FSTL5: variants seen among roughly 807,000 people sequenced by gnomAD.
FSTL5 encodes the protein follistatin like 5, also known as follistatin-related protein 5.
A neutral mutation model predicts 89.1 loss-of-function variants in FSTL5; 62 were observed. That is an observed-to-expected ratio of 0.70 (90% confidence interval 0.57 to 0.86). FSTL5 has a LOEUF of 0.86. FSTL5 is among the 40% of genes least tolerant of loss of function. The pLI is 0.00. For missense variants in FSTL5, 1,057 were observed against 1,001.6 expected (o/e 1.06, Z -0.75); for synonymous variants, 383 against 346.2 (o/e 1.11, Z -1.18).
intron 15 of FSTL5, among the ~76,000 whole-genome samples, chr4:161,394,631 T>C (rs1172149461): frequency 6.6e-6 from 1 of 152,176 alleles, no homozygotes; most frequent in Non-Finnish European, 1.5e-5. Flanking sequence ...TCAATACTAG[T>C]TAATGTATTA....
intron 3 of FSTL5, among the ~76,000 whole-genome samples, chr4:161,992,873 T>A (rs867019041): frequency 0.1 from 4,755 of 47,486 alleles, 241 homozygotes; most frequent in Middle Eastern, 0.13. Context: ...TATATATATA[T>A]ATATATATAT....
chr4:161,473,334 T>C (rs1266639716), intron 13 of FSTL5, among the ~76,000 whole-genome samples: 1 of 152,228 alleles, frequency 6.6e-6, no homozygotes, highest in East Asian at 1.9e-4. Flanking sequence ...TAGTATTAAC[T>C]ATATGAATGT....
chr4:161,576,358 C>A (rs1733207727), intron 8 of FSTL5, among the ~76,000 whole-genome samples: 1 of 152,164 alleles, frequency 6.6e-6, no homozygotes, highest in African/African-American at 2.4e-5. Flanking sequence ...GCCGATATAG[C>A]CAAGACAATA....
intron 10 of FSTL5, among the ~76,000 whole-genome samples, chr4:161,534,413 A>G (rs1026292121): frequency 6.6e-6 from 1 of 152,092 alleles, no homozygotes; most frequent in Non-Finnish European, 1.5e-5. Context: ...AAAACTAGCA[A>G]CATTTCTATA....
intron 4 of FSTL5, among the ~76,000 whole-genome samples, chr4:161,821,795 A>C (rs1263950864): frequency 6.6e-6 from 1 of 152,078 alleles, no homozygotes; most frequent in Non-Finnish European, 1.5e-5. Context: ...GTGTATATAT[A>C]TATATGAATA....
At chr4:161,539,071 G>T (rs1397290423) in intron 9 of FSTL5, among the ~76,000 whole-genome samples, 1 of 152,056 alleles carries the variant, frequency 6.6e-6, no homozygotes, top group Admixed American at 6.6e-5. Context: ...ACCCCACCTG[G>T]CAGTTGAGTG....
At chr4:161,513,418 G>A (rs1335855024) in intron 10 of FSTL5, among the ~76,000 whole-genome samples, 1 of 151,864 alleles carries the variant, frequency 6.6e-6, no homozygotes, top group Non-Finnish European at 1.5e-5. Context: ...TAATACCAGG[G>A]TGATTCCTCA....
At chr4:161,793,233 C>T (rs1729533495) in intron 4 of FSTL5, among the ~76,000 whole-genome samples, 1 of 152,196 alleles carries the variant, frequency 6.6e-6, no homozygotes, top group South Asian at 2.1e-4. Context: ...ACACACCCCT[C>T]ACCACTCCAT....
intron 13 of FSTL5, among the ~76,000 whole-genome samples, chr4:161,472,952 T>G (rs117524428): frequency 0.029 from 4,390 of 152,240 alleles, 150 homozygotes; most frequent in East Asian, 0.13. Flanking sequence ...CTCGATCTCT[T>G]GATCTAGTGA....
rs900444488 is a variant in FSTL5 at position 162,064,453 on chromosome 4, C to T, written c.127-30795G>A. 1.7e-4 allele frequency among the ~76,000 whole-genome samples: 26 copies of T among 152,060 alleles called. 1 individual carries two copies. The highest frequency in any genetic ancestry group is 1.1e-3 in the Admixed American group (16 of 15,236). ...AGCAGATAGTTCTCTCTAACATAGA[C>T]GGACCTCATCCAAATAATTGAAGAC... On this transcript the variant is annotated intron_variant, in intron 2 of 15. Coordinates refer to ENST00000306100, the MANE Select transcript of FSTL5 (RefSeq NM_020116.5).
At chr4:161,570,051 C>T (rs1250602663) in intron 8 of FSTL5, among the ~76,000 whole-genome samples, 7 of 152,028 alleles carry the variant, frequency 4.6e-5, no homozygotes, top group African/African-American at 1.4e-4. Context: ...TAATATATAC[C>T]CTTGTTTTTT....
At chr4:161,626,214 G>A (rs1422587351) in intron 7 of FSTL5, among the ~76,000 whole-genome samples, 1 of 152,086 alleles carries the variant, frequency 6.6e-6, no homozygotes, top group Non-Finnish European at 1.5e-5. Flanking sequence ...TACCATTTAG[G>A]ACTTGTAGTT....
chr4:161,416,302 C>T (rs995071308), intron 15 of FSTL5, among the ~76,000 whole-genome samples: 2 of 152,048 alleles, frequency 1.3e-5, no homozygotes, highest in Non-Finnish European at 1.5e-5. Flanking sequence ...AGCCAATGAC[C>T]TTTCATTCAA....
intron 7 of FSTL5, among the ~76,000 whole-genome samples, chr4:161,630,280 C>G (rs1327465502): frequency 6.6e-6 from 1 of 152,176 alleles, no homozygotes; most frequent in Non-Finnish European, 1.5e-5. Context: ...TGAGTTACTG[C>G]CAGCTCTCAT....
intron 12 of FSTL5, among the ~76,000 whole-genome samples, chr4:161,485,930 G>C (rs1400345946): frequency 6.6e-6 from 1 of 151,992 alleles, no homozygotes; most frequent in Non-Finnish European, 1.5e-5. Flanking sequence ...TTGAGTTCAG[G>C]AGTTCAAGAC....
At chr4:161,984,231 A>T (rs983535518) in intron 3 of FSTL5, among the ~76,000 whole-genome samples, 1 of 151,918 alleles carries the variant, frequency 6.6e-6, no homozygotes, top group Admixed American at 6.6e-5. Flanking sequence ...ATTACTAATA[A>T]TTTTTTTCTA....
chr4:162,038,039 T>G (rs1415854517), intron 2 of FSTL5, among the ~76,000 whole-genome samples: 1 of 151,956 alleles, frequency 6.6e-6, no homozygotes, highest in Non-Finnish European at 1.5e-5. Context: ...TTTGTTGTTC[T>G]GTCCACACGA....
chr4:162,063,557 A>C (rs1578997244), intron 2 of FSTL5, among the ~76,000 whole-genome samples: 1 of 151,944 alleles, frequency 6.6e-6, no homozygotes, highest in Middle Eastern at 3.5e-3. Flanking sequence ...TCATGTGATT[A>C]TTTCTAAAAG....
intron 3 of FSTL5, among the ~76,000 whole-genome samples, chr4:161,991,377 C>CT (rs144952832): frequency 0.055 from 8,329 of 151,436 alleles, 263 homozygotes; most frequent in Non-Finnish European, 0.077. Flanking sequence ...ATTTTCTAGT[C>CT]TTTTTTTTTC....
Sources: gnomAD v4.1 joint callset for allele counts (sites outside exome capture counted in the v4.1 genomes callset) on GRCh38, gnomAD v4.1.1 for gene constraint, MANE v1.5 for transcripts, NCBI Gene and HGNC (gene_info 2026-07-23, HGNC 2026-07-21) for gene names.